The following P4HB variants were observed in gnomAD, a reference collection of about 807,000 sequenced individuals.
P4HB encodes prolyl 4-hydroxylase subunit beta.
A neutral mutation model predicts 52.6 loss-of-function variants in P4HB; 20 were observed. That is an observed-to-expected ratio of 0.38 (90% CI 0.27 to 0.55). The LOEUF (loss-of-function observed/expected upper bound fraction) is 0.55. P4HB is among the 20% of genes least tolerant of loss of function. The probability of loss-of-function intolerance (pLI) is 0.74; values close to 1 mark genes in which losing one functional copy is unlikely to be tolerated. For synonymous variants in P4HB, 296 were observed against 277.9 expected (o/e 1.07, Z -0.65); for missense variants, 601 against 669.2 (o/e 0.90, Z 1.12).
At chr17:81,847,657 C>T in intron 4 of P4HB, 1 of 427,934 alleles carries the variant, frequency 2.3e-6, no homozygotes, top group Non-Finnish European at 4.3e-6. Flanking sequence ...CTTTTCAGGG[C>T]ACCCATGTGG....
chr17:81,859,298 A>G lies in P4HB; in HGVS notation c.235T>C (p.Leu79=), dbSNP rs774037240. 8.1e-6 allele frequency: 13 copies of G among 1,613,856 alleles called. No individual in the cohort carries two copies. Among genetic ancestry groups the G allele is most frequent in the South Asian group, 1.1e-5 (1 of 91,092 alleles). ...KLKAEGSEIR[L]AKVDATEESD... ...TCCTCCGTGGCGTCCACCTTGGCCA[A>G]CCTGATCTCGGAACCTTCTGCCTTC... The change falls in exon 2 of 11, where the codon TTG becomes CTG. Residue 79 remains leucine, a synonymous_variant. Coordinates refer to ENST00000331483, the MANE Select transcript of P4HB (RefSeq NM_000918.4).
At chr17:81,851,945 G>C (rs985611782) in intron 4 of P4HB, among the ~76,000 whole-genome samples, 4 of 152,244 alleles carry the variant, frequency 2.6e-5, no homozygotes, top group African/African-American at 9.6e-5. Context: ...TGTTTTGGCA[G>C]GCTGAGGCAG....
intron 4 of P4HB, among the ~76,000 whole-genome samples, chr17:81,851,091 C>T (rs1423059443): frequency 1.3e-5 from 2 of 152,034 alleles, no homozygotes; most frequent in African/African-American, 2.4e-5. Flanking sequence ...CCACCACGCC[C>T]GGCTAATTTT....
Position 81,846,801 on chromosome 17 carries a change from C to T in P4HB, c.855+146G>A. The T allele has an allele frequency of 8.0e-7, 1 of 1,242,374 alleles. No individual in the cohort carries two copies. The highest frequency in any genetic ancestry group is 1.1e-6 in the Non-Finnish European group (1 of 873,982). The allele number at this position is 1,242,374 out of a possible 1,614,324, so 77.0% of individuals were successfully genotyped here. ...GGGAGCAGAGGTCTGGCCTGGCTGG[C>T]CCCTCGCCTACATCCAGGCTGTCCT... On this transcript the variant is annotated intron_variant, in intron 6 of 10. Coordinates refer to ENST00000331483, the MANE Select transcript of P4HB (RefSeq NM_000918.4). The surrounding 1 kb of genome is among the most constrained non-coding windows in gnomAD (Gnocchi z 5.7).
Position 81,845,504 on chromosome 17 carries a change from T to C in P4HB, c.1359+57A>G. The stretch of plus-strand genomic sequence containing the variant: ...TTCCAGAGAGGCACCCAGGCTGGCG[T>C]GGGGACCACTGCTCTTCCCAGAGCC... On this transcript the variant is annotated intron_variant, in intron 9 of 10. Coordinates refer to ENST00000331483, the MANE Select transcript of P4HB (RefSeq NM_000918.4). 4.0e-6 allele frequency: 6 copies of C among 1,490,580 alleles called. No individual in the cohort carries two copies. In the South Asian group the frequency reaches 7.8e-5, roughly 19 times the overall value. The allele number at this position is 1,490,580 out of a possible 1,614,324, so 92.3% of individuals were successfully genotyped here.
Position 81,855,900 on chromosome 17 carries a change from C to T in P4HB, c.353-314G>A. 1 of 275,380 alleles carries T rather than the reference C, an allele frequency of 3.6e-6. No individual in the cohort carries two copies. The allele number at this position is 275,380 out of a possible 1,614,324, so 17.1% of individuals were successfully genotyped here. On this transcript the variant is annotated intron_variant, in intron 2 of 10. Coordinates refer to ENST00000331483, the MANE Select transcript of P4HB (RefSeq NM_000918.4). This position sits in a 1 kb window ranked among gnomAD's most constrained non-coding sequence, Gnocchi z 4.3. ...TCTTTTTTCTTTTGACACAGGGGCTCACTCTGTTACCCAGCTGGAGGGTAG... is the reference window on the plus strand; with the variant it reads ...TCTTTTTTCTTTTGACACAGGGGCTTACTCTGTTACCCAGCTGGAGGGTAG...
chr17:81,850,540 C>T (rs910888334), intron 4 of P4HB, among the ~76,000 whole-genome samples: 5 of 152,046 alleles, frequency 3.3e-5, no homozygotes, highest in South Asian at 2.1e-4. Flanking sequence ...TGCAATGGCA[C>T]GATCTCGATC....
At chr17:81,851,870 G>A (rs1448456942) in intron 4 of P4HB, among the ~76,000 whole-genome samples, 1 of 152,196 alleles carries the variant, frequency 6.6e-6, no homozygotes, top group Non-Finnish European at 1.5e-5. Flanking sequence ...GCCAGGCCAC[G>A]GTGACAAACA....
intron 4 of P4HB, among the ~76,000 whole-genome samples, chr17:81,854,413 G>A (rs1046520334): frequency 2.0e-5 from 3 of 151,984 alleles, no homozygotes; most frequent in Non-Finnish European, 2.9e-5. Context: ...GTGGTGGCAC[G>A]CGCCTGTAGT....
chr17:81,855,309 C>A lies in P4HB; in HGVS notation c.487-30G>T. ...ATGAGGAGGGAGAAGCAGAGGTCGT[C>A]ATGATCCCGCAGCACCAAGCAGTAG... is the stretch of plus-strand genomic sequence containing the variant. On this transcript the variant is annotated intron_variant, in intron 3 of 10. Transcript: ENST00000331483. This position sits in a 1 kb window ranked among gnomAD's most constrained non-coding sequence, Gnocchi z 4.3. 3 of 1,613,394 alleles carry A rather than the reference C, an allele frequency of 1.9e-6. No homozygotes were observed. The highest frequency in any genetic ancestry group is 1.3e-5 in the African/African-American group (1 of 75,018).
intron 10 of P4HB, among the ~76,000 whole-genome samples, chr17:81,844,295 A>G (rs1027757197): frequency 3.9e-5 from 6 of 152,194 alleles, no homozygotes; most frequent in African/African-American, 1.2e-4. Flanking sequence ...ATTTCTGCCT[A>G]TAGCAGGATG....
Position 81,846,223 on chromosome 17 carries a change from G to GAGC in P4HB, c.1056+205_1056+206insGCT. The GAGC allele has an allele frequency of 1.4e-6, 1 of 722,788 alleles. No homozygotes were observed. The highest frequency in any genetic ancestry group is 2.7e-5 in the East Asian group (1 of 36,990). 44.8% of individuals were successfully genotyped at this position (722,788 alleles called of 1,614,324 possible). A position where few individuals can be genotyped will look rare whatever the true frequency, so the allele number is the denominator to read the frequency against. On this transcript the variant is annotated intron_variant, in intron 7 of 10. Transcript: ENST00000331483. The surrounding 1 kb of genome is among the most constrained non-coding windows in gnomAD (Gnocchi z 5.7). ...GCCGGCCAGGAGGTTTCCCTGAGGA[G>GAGC]CATCTGGGCCAGCCGTGTGGACAAG... is the stretch of plus-strand genomic sequence containing the variant.
intron 4 of P4HB, among the ~76,000 whole-genome samples, chr17:81,850,937 CT>C (rs1200513966): frequency 1.4e-3 from 202 of 144,280 alleles, no homozygotes; most frequent in Non-Finnish European, 1.5e-3. Flanking sequence ...CCCCTTGAAC[CT>C]TTTTTTTTTT....
intron 4 of P4HB, among the ~76,000 whole-genome samples, chr17:81,848,587 T>C (rs1287162588): frequency 6.6e-6 from 1 of 150,894 alleles, no homozygotes; most frequent in Non-Finnish European, 1.5e-5. Context: ...AATACAAAAA[T>C]AAGCTGGGCG....
chr17:81,847,506 T>C, intron 4 of P4HB, 159 bp from the exon 5 acceptor site: 1 of 653,280 alleles, frequency 1.5e-6, no homozygotes, highest in South Asian at 1.7e-5. Context: ...ACATGGCTGT[T>C]CCTCGACAGT....
In P4HB at chr17:81,847,288, A is replaced by G. The variant is rs1017255822; in HGVS notation, c.684T>C (p.Phe228=). The change falls in exon 5 of 11, where the codon TTT becomes TTC. Residue 228 remains phenylalanine, a synonymous_variant. Coordinates refer to ENST00000331483, the MANE Select transcript of P4HB (RefSeq NM_000918.4). ...CAAGGGGCAGCTGGTTGTGTTTGAT[A>G]AAGTCCAGCAGGTTCTCCTTGGTGA... is the stretch of plus-strand genomic sequence containing the variant. ...GEVTKENLLD[F]IKHNQLPLVI... is the part of the protein sequence containing the mutation. 6.2e-7 allele frequency: 1 copy of G among 1,614,112 alleles called. No individual in the cohort carries two copies. Among genetic ancestry groups the G allele is most frequent in the South Asian group, 1.1e-5 (1 of 91,078 alleles).
In P4HB at chr17:81,845,166, T is replaced by C. The variant is rs752285260; in HGVS notation, c.1424A>G (p.Gln475Arg). The change falls in exon 10 of 11, where the codon CAG becomes CGG. Residue 475 changes from glutamine (Q) to arginine (R), a missense_variant. By Grantham distance (43) the Gln-to-Arg change is conservative. Coordinates refer to ENST00000331483, the MANE Select transcript of P4HB (RefSeq NM_000918.4). ...GFKKFLESGGQDGAGDDDDLE... is the reference protein window; with the variant it reads ...GFKKFLESGGRDGAGDDDDLE... ...CACGTCATCATCCCCTGCCCCATCC[T>C]GGCCACCGCTCTCCAGGAATTTCTT... 5.6e-6 allele frequency: 9 copies of C among 1,613,772 alleles called. No homozygotes were observed. Among genetic ancestry groups the C allele is most frequent in the African/African-American group, 2.7e-5 (2 of 75,074 alleles).
intron 4 of P4HB, among the ~76,000 whole-genome samples, chr17:81,852,735 T>C (rs1166928722): frequency 1.3e-5 from 2 of 152,174 alleles, no homozygotes; most frequent in East Asian, 1.9e-4. Context: ...GTGTGAGCCT[T>C]TGCAGGCAAG....
chr17:81,843,942 G>C lies in P4HB; in HGVS notation c.*70C>G, dbSNP rs200355357. The C allele has an allele frequency of 2.1e-5, 24 of 1,152,504 alleles. No homozygotes were observed. In the African/African-American group the frequency reaches 2.7e-4, roughly 13 times the overall value. The allele number at this position is 1,152,504 out of a possible 1,614,324, so 71.4% of individuals were successfully genotyped here. On this transcript the variant is annotated 3_prime_UTR_variant, in exon 11 of 11. Transcript: ENST00000331483. ...CCTTCAAGCGAGGCCGCAGGCTTCG[G>C]AGGCGTGCGCTGCTGCTGGGTGTGC...
Sources: gnomAD v4.1 joint callset for allele counts (sites outside exome capture counted in the v4.1 genomes callset) on GRCh38, gnomAD v4.1.1 for gene constraint, Gnocchi (gnomAD v3.1) non-coding constraint, MANE v1.5 for transcripts, NCBI Gene and HGNC (gene_info 2026-07-23, HGNC 2026-07-21) for gene names.